Variants in TTC28 observed in about 807,000 individuals in gnomAD.
TTC28 encodes the protein tetratricopeptide repeat domain 28.
Under a neutral mutation model 198.0 loss-of-function variants are expected in TTC28, and 61 were observed. That is an observed-to-expected ratio of 0.31 (90% CI 0.25 to 0.38). The LOEUF (loss-of-function observed/expected upper bound fraction) is 0.38. TTC28 is among the 10% of genes least tolerant of loss of function. The pLI, the probability that TTC28 is intolerant of heterozygous loss-of-function variation, is 1.00. For missense variants in TTC28, 2,678 were observed against 3,164.0 expected, an observed-to-expected ratio of 0.85 and a Z score of 3.69; for synonymous variants, 1,171 against 1,297.8, an observed-to-expected ratio of 0.90 and a Z score of 2.10.
intron 2 of TTC28, among the ~76,000 whole-genome samples, chr22:28,391,959 C>T (rs134538): frequency 0.35 from 52,723 of 151,642 alleles, 10,084 homozygotes; most frequent in African/African-American, 0.52. Context: ...TGTTTTTTCC[C>T]CATCTTTGTG....
At chr22:28,407,104 G>C (rs542044882) in intron 2 of TTC28, among the ~76,000 whole-genome samples, 1 of 152,034 alleles carries the variant, frequency 6.6e-6, no homozygotes, top group African/African-American at 2.4e-5. Flanking sequence ...CTTCTTAGAA[G>C]GTAAGTCTCC....
chr22:27,993,374 T>C lies in TTC28; in HGVS notation c.5389A>G (p.Ser1797Gly), dbSNP rs1481010745. The change falls in exon 18 of 23, where the codon AGT becomes GGT. Residue 1797 changes from serine to glycine, a missense_variant. Ser to Gly is a moderately conservative substitution (Grantham distance 56). Coordinates refer to ENST00000397906, the MANE Select transcript of TTC28 (RefSeq NM_001145418.2). ...AAGAAGACAGCCGCTGGCAGGCCACTGGTTGGGGGGTCCAGCCGGAAGCCC... is the reference window on the plus strand; with the variant it reads ...AAGAAGACAGCCGCTGGCAGGCCACCGGTTGGGGGGTCCAGCCGGAAGCCC... ...AVGFRLDPPTSGLPAAVFFPT... is the reference protein window; with the variant it reads ...AVGFRLDPPTGGLPAAVFFPT... 1 of 1,551,042 alleles carries C rather than the reference T, an allele frequency of 6.4e-7. No homozygotes were observed. The highest frequency in any genetic ancestry group is 8.7e-7 in the Non-Finnish European group (1 of 1,146,966).
chr22:28,239,981 G>T (rs1929550763), intron 5 of TTC28, among the ~76,000 whole-genome samples: 1 of 152,200 alleles, frequency 6.6e-6, no homozygotes, highest in Non-Finnish European at 1.5e-5. Flanking sequence ...ATTGTTTGTT[G>T]TGGGAGCTGT....
intron 2 of TTC28, among the ~76,000 whole-genome samples, chr22:28,322,821 A>T (rs558110943): frequency 4.6e-5 from 7 of 152,316 alleles, no homozygotes; most frequent in Non-Finnish European, 1.0e-4. Context: ...AGGCATCCAT[A>T]GGGCTGTTTC....
intron 2 of TTC28, among the ~76,000 whole-genome samples, chr22:28,401,552 T>C (rs1271719198): frequency 6.6e-6 from 1 of 151,986 alleles, no homozygotes; most frequent in African/African-American, 2.4e-5. Context: ...GAGGTGGAAG[T>C]TGCAGTGAGC....
At chr22:28,371,661 C>A (rs2046339333) in intron 2 of TTC28, among the ~76,000 whole-genome samples, 1 of 109,394 alleles carries the variant, frequency 9.1e-6, no homozygotes, top group Non-Finnish European at 1.7e-5. Flanking sequence ...CAGCTCACTG[C>A]AACCTCTGCC....
At chr22:28,372,034 G>C (rs1036216180) in intron 2 of TTC28, among the ~76,000 whole-genome samples, 1 of 152,144 alleles carries the variant, frequency 6.6e-6, no homozygotes, top group Admixed American at 6.5e-5. Context: ...GCTGCAGTGT[G>C]CTGTGATTGT....
At chr22:28,387,618 G>GA (rs2046632183) in intron 2 of TTC28, among the ~76,000 whole-genome samples, 9 of 152,170 alleles carry the variant, frequency 5.9e-5, no homozygotes, top group Admixed American at 2.0e-4. Context: ...TTTCTCATGT[G>GA]TTTTTTGGCT....
At chr22:28,097,588 G>T (rs1942015417) in intron 10 of TTC28, among the ~76,000 whole-genome samples, 1 of 152,158 alleles carries the variant, frequency 6.6e-6, no homozygotes, top group Non-Finnish European at 1.5e-5. Flanking sequence ...AAATGTAAAG[G>T]AATTGTTTAT....
intron 5 of TTC28, among the ~76,000 whole-genome samples, chr22:28,269,107 C>T (rs1170921587): frequency 2.6e-5 from 4 of 152,110 alleles, no homozygotes; most frequent in African/African-American, 9.7e-5. Flanking sequence ...GTCTTTCACG[C>T]AAGCACTAAT....
intron 2 of TTC28, among the ~76,000 whole-genome samples, chr22:28,574,395 T>C (rs1217200051): frequency 1.3e-5 from 2 of 152,078 alleles, no homozygotes; most frequent in Admixed American, 6.6e-5. Context: ...AGTGTGTGTG[T>C]GTTCCACATT....
In TTC28 at chr22:27,985,135, C is replaced by G. The variant is rs1937167048; in HGVS notation, c.5815+114G>C. 4.0e-6 allele frequency: 3 copies of G among 759,270 alleles called. No homozygotes were observed. In the Admixed American group the frequency reaches 8.0e-5, roughly 20 times the overall value. 47.0% of individuals were successfully genotyped at this position (759,270 alleles called of 1,614,324 possible). A position where few individuals can be genotyped will look rare whatever the true frequency, so the allele number is the denominator to read the frequency against. The stretch of plus-strand genomic sequence containing the variant: ...CTAACTGTTCCCTAACAAACATACA[C>G]AAAAAATGTTGATTCACTTTTCTTC... On this transcript the variant is annotated intron_variant, in intron 22 of 22. Coordinates refer to ENST00000397906, the MANE Select transcript of TTC28 (RefSeq NM_001145418.2).
At chr22:28,313,250 C>T (rs566038433) in intron 2 of TTC28, among the ~76,000 whole-genome samples, 7 of 152,274 alleles carry the variant, frequency 4.6e-5, no homozygotes, top group African/African-American at 1.7e-4. Context: ...AGTCTGGGAC[C>T]AGACAGATTC....
At chr22:28,106,134 G>A (rs991483020) in intron 7 of TTC28, among the ~76,000 whole-genome samples, 2 of 152,136 alleles carry the variant, frequency 1.3e-5, no homozygotes, top group Admixed American at 6.5e-5. Context: ...TTCCACTACC[G>A]CTTAGACTAT....
chr22:28,309,882 CAAG>C (rs1231790874), intron 2 of TTC28, among the ~76,000 whole-genome samples: 2 of 151,988 alleles, frequency 1.3e-5, no homozygotes, highest in African/African-American at 2.4e-5. Context: ...AAGCTTTAGC[CAAG>C]AAGAAGAGAA....
intron 2 of TTC28, among the ~76,000 whole-genome samples, chr22:28,564,219 A>G (rs978192434): frequency 1.3e-5 from 2 of 152,198 alleles, no homozygotes; most frequent in East Asian, 1.9e-4. Context: ...CTGCTGTATA[A>G]TATTGTGAAT....
At chr22:28,609,814 G>C (rs556837341) in intron 2 of TTC28, among the ~76,000 whole-genome samples, 79 of 152,292 alleles carry the variant, frequency 5.2e-4, no homozygotes, top group Non-Finnish European at 9.3e-4. Context: ...CCCACACGGA[G>C]CCCAGCAAGT....
chr22:28,041,185 C>A (rs1483943725), intron 12 of TTC28, among the ~76,000 whole-genome samples: 1 of 152,134 alleles, frequency 6.6e-6, no homozygotes, highest in Non-Finnish European at 1.5e-5. Flanking sequence ...TCAATGCTAT[C>A]CCCATCAAGC....
chr22:28,310,656 T>C (rs551562994), intron 2 of TTC28, among the ~76,000 whole-genome samples: 4 of 152,178 alleles, frequency 2.6e-5, no homozygotes, highest in Non-Finnish European at 4.4e-5. Context: ...GTAATAAATA[T>C]ATGTAATATG....
Sources: allele counts gnomAD v4.1 joint callset (sites outside exome capture counted in the v4.1 genomes callset), GRCh38; gene constraint gnomAD v4.1.1; transcripts MANE v1.5; gene names NCBI Gene and HGNC (gene_info 2026-07-23, HGNC 2026-07-21).